MTCL2: variants seen among roughly 807,000 people sequenced by gnomAD.
The protein encoded by MTCL2 is microtubule crosslinking factor 2.
the MTCL2 span, among the ~76,000 whole-genome samples, chr20:36,827,351 AC>A: frequency 4.6e-4 from 45 of 98,668 alleles, no homozygotes; most frequent in East Asian, 0.011. Flanking sequence ...CTGTGCCTGG[AC>A]CCCCCTTTTT....
At chr20:36,843,063 C>T in the MTCL2 span, among the ~76,000 whole-genome samples, 3 of 152,320 alleles carry the variant, frequency 2.0e-5, no homozygotes, top group East Asian at 5.8e-4. Flanking sequence ...GTCCACTCTG[C>T]TCCCGTCAGA....
chr20:36,852,651 T>C, the MTCL2 span, among the ~76,000 whole-genome samples: 1 of 152,106 alleles, frequency 6.6e-6, no homozygotes, highest in Admixed American at 6.6e-5. Context: ...CTGGAGGGGA[T>C]AGCACTGAGT....
At chr20:36,829,212 C>T in the MTCL2 span, 1 of 1,608,178 alleles carries the variant, frequency 6.2e-7, no homozygotes, top group Non-Finnish European at 8.5e-7. Context: ...TCCTTAGAGA[C>T]CTGTGCAGGG....
the MTCL2 span, chr20:36,815,582 G>A: frequency 4.3e-5 from 68 of 1,577,220 alleles, no homozygotes; most frequent in Admixed American, 1.5e-4. This position sits in a 1 kb window ranked among gnomAD's most constrained non-coding sequence, Gnocchi z 5.3. Context: ...CCCCGGCCTC[G>A]GCGTCCGTCT....
chr20:36,859,037 C>T, the MTCL2 span, among the ~76,000 whole-genome samples: 1 of 152,194 alleles, frequency 6.6e-6, no homozygotes, highest in African/African-American at 2.4e-5. Flanking sequence ...GTGATCCGCC[C>T]GCCTTGGCCT....
the MTCL2 span, among the ~76,000 whole-genome samples, chr20:36,840,516 C>T: frequency 1.3e-5 from 2 of 150,780 alleles, no homozygotes; most frequent in African/African-American, 4.9e-5. Flanking sequence ...GTTACAGAAG[C>T]AACAGGAACA....
chr20:36,801,448 G>A, the MTCL2 span, among the ~76,000 whole-genome samples: 2 of 150,658 alleles, frequency 1.3e-5, no homozygotes, highest in African/African-American at 4.9e-5. Flanking sequence ...AATTTAAATA[G>A]AAAGAAAGGC....
the MTCL2 span, chr20:36,812,970 G>A: frequency 1.7e-6 from 2 of 1,181,108 alleles, no homozygotes; most frequent in Non-Finnish European, 2.3e-6. Flanking sequence ...CCTGAGGGCT[G>A]GGACCCTGGT....
chr20:36,815,111 C>T, the MTCL2 span: 2 of 1,567,978 alleles, frequency 1.3e-6, no homozygotes, highest in Non-Finnish European at 8.6e-7. This position sits in a 1 kb window ranked among gnomAD's most constrained non-coding sequence, Gnocchi z 5.3. Context: ...AGGATCTGTG[C>T]ATGAGGCACC....
At chr20:36,786,517 C>G in the MTCL2 span, 19 of 1,549,670 alleles carry the variant, frequency 1.2e-5, no homozygotes, top group Non-Finnish European at 1.5e-5. Flanking sequence ...CTCTCCTCCC[C>G]ACCCCAGCTG....
the MTCL2 span, chr20:36,829,273 C>G: frequency 6.7e-7 from 1 of 1,493,374 alleles, no homozygotes. Context: ...CACTGCAAGT[C>G]CCACTGACCA....
chr20:36,822,499 G>T, the MTCL2 span, among the ~76,000 whole-genome samples: 3 of 152,232 alleles, frequency 2.0e-5, no homozygotes, highest in Admixed American at 6.5e-5. Flanking sequence ...CAGGCTTCTA[G>T]GAGAAGCCTG....
At chr20:36,861,866 G>T in the MTCL2 span, among the ~76,000 whole-genome samples, 1 of 152,180 alleles carries the variant, frequency 6.6e-6, no homozygotes, top group Admixed American at 6.5e-5. Context: ...CTGTCCGGGG[G>T]AAGCCCTAGG....
At chr20:36,843,166 C>T in the MTCL2 span, among the ~76,000 whole-genome samples, 18 of 152,184 alleles carry the variant, frequency 1.2e-4, no homozygotes, top group African/African-American at 4.3e-4. Context: ...GTGAAAGGAA[C>T]AAACATGGGG....
chr20:36,847,618 C>A, the MTCL2 span, among the ~76,000 whole-genome samples: 14 of 151,986 alleles, frequency 9.2e-5, no homozygotes, highest in Non-Finnish European at 1.6e-4. Context: ...TTTGCAGAGG[C>A]CAAAGAGGGA....
the MTCL2 span, among the ~76,000 whole-genome samples, chr20:36,789,121 C>T: frequency 2.0e-5 from 3 of 152,132 alleles, no homozygotes; most frequent in Non-Finnish European, 4.4e-5. Context: ...AGGCTACCTT[C>T]GTAAAAGAAG....
chr20:36,858,393 AACACAC>A, the MTCL2 span, among the ~76,000 whole-genome samples: 2 of 28,664 alleles, frequency 7.0e-5, no homozygotes, highest in Non-Finnish European at 1.3e-4. Flanking sequence ...AAGGAGGGAA[AACACAC>A]ACACACACAC....
At chr20:36,815,310 T>C in the MTCL2 span, 19 of 1,613,788 alleles carry the variant, frequency 1.2e-5, no homozygotes, top group Non-Finnish European at 1.6e-5. The surrounding 1 kb of genome is among the most constrained non-coding windows in gnomAD (Gnocchi z 5.3). Context: ...CAGGATGGCA[T>C]GGATGAGCTT....
At chr20:36,857,042 C>T in the MTCL2 span, among the ~76,000 whole-genome samples, 1 of 152,196 alleles carries the variant, frequency 6.6e-6, no homozygotes, top group Non-Finnish European at 1.5e-5. Context: ...CTCTGCTGCT[C>T]TCTTTGTAGA....
Sources: gnomAD v4.1 joint callset for allele counts (sites outside exome capture counted in the v4.1 genomes callset) on GRCh38, gnomAD v4.1.1 for gene constraint, Gnocchi (gnomAD v3.1) non-coding constraint, MANE v1.5 for transcripts, NCBI Gene and HGNC (gene_info 2026-07-23, HGNC 2026-07-21) for gene names.